Variants in TMEM117 observed in about 807,000 individuals in gnomAD.
The protein encoded by TMEM117 is transmembrane protein 117.
TMEM117 carries 27 observed loss-of-function variants against 52.4 expected under a neutral mutation model. The ratio of observed to expected loss-of-function variants is 0.51; its 90% CI spans 0.38 to 0.71. The LOEUF is 0.71. Ranked by LOEUF, TMEM117 falls within the 30% of genes least tolerant of loss-of-function variation. TMEM117 has a pLI of 0.00. For synonymous variants in TMEM117, 215 were observed against 206.3 expected (o/e 1.04, Z -0.36); for missense variants, 556 against 630.5 (o/e 0.88, Z 1.26).
At chr12:44,040,972 A>G (rs1235540704) in intron 3 of TMEM117, among the ~76,000 whole-genome samples, 1 of 152,236 alleles carries the variant, frequency 6.6e-6, no homozygotes, top group Non-Finnish European at 1.5e-5. Flanking sequence ...AATGATTGAC[A>G]GAAGTAAATG....
intron 2 of TMEM117, among the ~76,000 whole-genome samples, chr12:43,917,461 T>G (rs1268638795): frequency 6.6e-6 from 1 of 152,140 alleles, no homozygotes; most frequent in Admixed American, 6.5e-5. Flanking sequence ...AGCAATCTTA[T>G]GAAGTGGTTA....
rs979493139 is a variant in TMEM117, at chr12:44,068,488, A to G, written c.411-75037A>G. 3.9e-5 allele frequency among the ~76,000 whole-genome samples: 6 copies of G among 152,278 alleles called. No homozygotes were observed. In the South Asian group the frequency reaches 1.2e-3, roughly 32 times the overall value. On this transcript the variant is annotated intron_variant, in intron 3 of 7. Coordinates refer to ENST00000266534, the MANE Select transcript of TMEM117 (RefSeq NM_032256.3). ...TTGTATTAGTTATTAGTATTATAGT[A>G]TTATTAGTTGGCCTAATTTCACTAT...
chr12:44,016,375 C>T (rs1228294255), intron 3 of TMEM117, among the ~76,000 whole-genome samples: 1 of 152,200 alleles, frequency 6.6e-6, no homozygotes, highest in Non-Finnish European at 1.5e-5. Context: ...ACTCAGTTCA[C>T]CTCCCAGGTG....
chr12:44,125,049 G>A (rs1016751475), intron 3 of TMEM117, among the ~76,000 whole-genome samples: 4 of 152,004 alleles, frequency 2.6e-5, no homozygotes, highest in Non-Finnish European at 5.9e-5. Context: ...GGGCTTTTTT[G>A]TTTGGTAGTC....
intron 3 of TMEM117, among the ~76,000 whole-genome samples, chr12:44,067,567 A>T (rs945615362): frequency 6.6e-6 from 1 of 152,208 alleles, no homozygotes; most frequent in African/African-American, 2.4e-5. Context: ...ATGACATTTC[A>T]TAATATTATG....
chr12:43,907,790 T>G (rs1944419781), intron 2 of TMEM117, among the ~76,000 whole-genome samples: 2 of 144,062 alleles, frequency 1.4e-5, no homozygotes, highest in Admixed American at 7.2e-5. Context: ...AAGGGAAGTT[T>G]AGAGAAAAAA....
At chr12:44,162,712 G>A (rs1476143520) in intron 4 of TMEM117, among the ~76,000 whole-genome samples, 1 of 152,154 alleles carries the variant, frequency 6.6e-6, no homozygotes, top group Non-Finnish European at 1.5e-5. Flanking sequence ...TGATGCAGTG[G>A]CCTTTGCACT....
At chr12:44,028,992 T>C (rs1328607346) in intron 3 of TMEM117, among the ~76,000 whole-genome samples, 1 of 152,146 alleles carries the variant, frequency 6.6e-6, no homozygotes. Context: ...GAAGGGATGA[T>C]ACTGAGAGAC....
intron 6 of TMEM117, among the ~76,000 whole-genome samples, chr12:44,358,987 G>A (rs1951687392): frequency 6.6e-6 from 1 of 152,162 alleles, no homozygotes; most frequent in Non-Finnish European, 1.5e-5. Context: ...GGAGCATAAA[G>A]TGCTGTGTGG....
At chr12:44,159,733 T>C (rs1948874027) in intron 4 of TMEM117, among the ~76,000 whole-genome samples, 1 of 152,182 alleles carries the variant, frequency 6.6e-6, no homozygotes, top group South Asian at 2.1e-4. Context: ...TCCGTAAACA[T>C]GCCATTAAAA....
intron 6 of TMEM117, among the ~76,000 whole-genome samples, chr12:44,306,409 C>T (rs1411486055): frequency 1.3e-5 from 2 of 151,970 alleles, no homozygotes; most frequent in African/African-American, 4.8e-5. Context: ...TATATATGTG[C>T]AGGTGTGTGT....
At chr12:43,972,578 G>A (rs894628642) in intron 3 of TMEM117, among the ~76,000 whole-genome samples, 1 of 152,148 alleles carries the variant, frequency 6.6e-6, no homozygotes, top group Non-Finnish European at 1.5e-5. Flanking sequence ...TTTACAGAGT[G>A]CTGATTGGTC....
chr12:43,841,625 A>G lies in TMEM117; in HGVS notation c.-28-2999A>G, dbSNP rs115046000. ...TTCCGAACTTAAAAACAACAAGAAAATAAGTATGTGCTAGCCTCCAAAATG... is the reference window on the plus strand; with the variant it reads ...TTCCGAACTTAAAAACAACAAGAAAGTAAGTATGTGCTAGCCTCCAAAATG... On this transcript the variant is annotated intron_variant, in intron 1 of 7. Coordinates refer to ENST00000266534, the MANE Select transcript of TMEM117 (RefSeq NM_032256.3). Among the ~76,000 whole-genome samples, 1,155 of 152,322 alleles carry G rather than the reference A, an allele frequency of 7.6e-3. 24 individuals carry two copies. The highest frequency in any genetic ancestry group is 0.026 in the African/African-American group (1,079 of 41,556).
intron 3 of TMEM117, among the ~76,000 whole-genome samples, chr12:44,014,368 C>T (rs1020470710): frequency 1.3e-5 from 2 of 152,126 alleles, no homozygotes; most frequent in African/African-American, 4.8e-5. Flanking sequence ...AAGCTGATGA[C>T]TGTAGGCCAG....
At chr12:44,088,224 G>A (rs138627598) in intron 3 of TMEM117, among the ~76,000 whole-genome samples, 3 of 152,262 alleles carry the variant, frequency 2.0e-5, no homozygotes, top group East Asian at 1.9e-4. Flanking sequence ...AGGAATTTCT[G>A]TATAAATATG....
At position 44,299,707 on chromosome 12, in the gene TMEM117, A is replaced by G. The variant is rs1467367042; in HGVS notation, c.736A>G (p.Ile246Val). ...EVSRAFLASF[I>V]LVFDLLIVMQ... Reference sequence around the variant, plus strand: ...TTCCAGAGCATTCCTTGCTTCTTTTATCTTGGTCTTTGACCTTCTTATTGT... The same window carrying G: ...TTCCAGAGCATTCCTTGCTTCTTTTGTCTTGGTCTTTGACCTTCTTATTGT... Residue 246 changes from isoleucine (I) to valine (V), a missense_variant, in exon 6 of 8, where the codon ATC (isoleucine) becomes GTC (valine). This residue lies in a region of TMEM117 where 328 missense variants were observed against 371.4 expected (regional missense o/e 0.88). Coordinates refer to ENST00000266534, the MANE Select transcript of TMEM117 (RefSeq NM_032256.3). 6 of 1,614,040 alleles carry G rather than the reference A, an allele frequency of 3.7e-6. No individual in the cohort carries two copies. Among genetic ancestry groups the G allele is most frequent in the South Asian group, 2.2e-5 (2 of 91,076 alleles).
intron 3 of TMEM117, among the ~76,000 whole-genome samples, chr12:44,005,651 C>T (rs1222918623): frequency 6.6e-6 from 1 of 152,192 alleles, no homozygotes; most frequent in East Asian, 1.9e-4. Flanking sequence ...TCCAGGCCTT[C>T]TTGCAGAGGA....
chr12:44,213,801 C>T (rs536349052), intron 5 of TMEM117, among the ~76,000 whole-genome samples: 42 of 152,308 alleles, frequency 2.8e-4, no homozygotes, highest in Non-Finnish European at 4.3e-4. Flanking sequence ...AGTTTTCTGA[C>T]GCCTTCCCAG....
At chr12:43,813,346 C>A in the TMEM117 span, among the ~76,000 whole-genome samples, 6 of 147,634 alleles carry the variant, frequency 4.1e-5, no homozygotes, top group Non-Finnish European at 8.9e-5. Flanking sequence ...CCAGTTCAAG[C>A]GATTCTCCTG....
Sources: gnomAD v4.1 joint callset for allele counts (sites outside exome capture counted in the v4.1 genomes callset) on GRCh38, gnomAD v4.1.1 for gene constraint, gnomAD v4.1.1 regional missense constraint, MANE v1.5 for transcripts, NCBI Gene and HGNC (gene_info 2026-07-23, HGNC 2026-07-21) for gene names.